The following INPP4B variants were observed in gnomAD, a reference collection of about 807,000 sequenced individuals.
The protein encoded by INPP4B is inositol polyphosphate-4-phosphatase type II B.
INPP4B carries 55 observed loss-of-function variants against 122.5 expected under a neutral mutation model. That is an observed-to-expected ratio of 0.45 (90% CI 0.36 to 0.56). The LOEUF (loss-of-function observed/expected upper bound fraction) is 0.56. Among genes scored for constraint, INPP4B ranks in the 20% least tolerant of loss-of-function variants. The pLI, the probability that INPP4B is intolerant of heterozygous loss-of-function variation, is 0.00. For synonymous variants in INPP4B, 403 were observed against 388.7 expected, an observed-to-expected ratio of 1.04 and a Z score of -0.43; for missense variants, 1,000 against 1,097.7, an observed-to-expected ratio of 0.91 and a Z score of 1.26.
At chr4:142,277,552 C>T (rs113622420) in intron 9 of INPP4B, among the ~76,000 whole-genome samples, 2,288 of 151,838 alleles carry the variant, frequency 0.015, 16 homozygotes, top group Non-Finnish European at 0.026. Flanking sequence ...AGGAAAATAA[C>T]TCACTATAAG....
At chr4:142,483,182 CTTTTTTTTTTTTTTTT>C (rs5862604) in intron 2 of INPP4B, among the ~76,000 whole-genome samples, 5 of 48,334 alleles carry the variant, frequency 1.0e-4, no homozygotes, top group South Asian at 9.8e-4. Context: ...TCAGGCTATG[CTTTTTTTTTTTTTTTT>C]TTTTTTTTTT....
intron 25 of INPP4B, among the ~76,000 whole-genome samples, chr4:142,035,578 G>A (rs1743352663): frequency 1.3e-5 from 2 of 152,240 alleles, no homozygotes; most frequent in South Asian, 4.1e-4. Flanking sequence ...AGGAGCAGAG[G>A]GCCAGGACAT....
intron 2 of INPP4B, among the ~76,000 whole-genome samples, chr4:142,646,501 G>GA (rs1367626910): frequency 6.6e-6 from 1 of 152,160 alleles, no homozygotes; most frequent in East Asian, 1.9e-4. Context: ...AAAACTCTGT[G>GA]AAAAAATGTT....
intron 7 of INPP4B, among the ~76,000 whole-genome samples, 162 bp downstream of exon 7, chr4:142,402,776 C>T (rs141572367): frequency 6.6e-5 from 10 of 152,126 alleles, no homozygotes; most frequent in East Asian, 1.9e-4. Context: ...AATTTGGCAA[C>T]GAGACAAACA....
chr4:142,266,523 T>C (rs1326972910), intron 10 of INPP4B, among the ~76,000 whole-genome samples: 2 of 152,190 alleles, frequency 1.3e-5, no homozygotes, highest in Non-Finnish European at 2.9e-5. Context: ...CCATCTTCCA[T>C]GCAGCAGTTT....
chr4:142,685,251 T>C (rs916199699), intron 2 of INPP4B, among the ~76,000 whole-genome samples: 10 of 152,096 alleles, frequency 6.6e-5, no homozygotes, highest in Non-Finnish European at 1.3e-4. Context: ...AAATATATAG[T>C]ATTTTACAAG....
At chr4:142,590,597 T>G (rs886196730) in intron 2 of INPP4B, among the ~76,000 whole-genome samples, 2 of 152,100 alleles carry the variant, frequency 1.3e-5, no homozygotes, top group Non-Finnish European at 2.9e-5. Context: ...AGATTACAGA[T>G]TAGCAACAGG....
At chr4:142,747,832 G>T (rs1200703410) in intron 1 of INPP4B, among the ~76,000 whole-genome samples, 2 of 151,928 alleles carry the variant, frequency 1.3e-5, no homozygotes, top group Non-Finnish European at 2.9e-5. Context: ...AGAACACAGG[G>T]ATGCAGGAAG....
intron 25 of INPP4B, among the ~76,000 whole-genome samples, chr4:142,066,731 C>T (rs1763712942): frequency 6.6e-6 from 1 of 152,180 alleles, no homozygotes; most frequent in Admixed American, 6.5e-5. Context: ...ATTGTTAGCA[C>T]AGCAGTCTGA....
chr4:142,335,429 T>G (rs1270233432), intron 7 of INPP4B, among the ~76,000 whole-genome samples: 1 of 152,210 alleles, frequency 6.6e-6, no homozygotes, highest in African/African-American at 2.4e-5. Flanking sequence ...CTTTTAGAAT[T>G]TAGCCATTAA....
chr4:142,587,922 T>TG (rs1339633478), intron 2 of INPP4B, among the ~76,000 whole-genome samples: 4 of 151,862 alleles, frequency 2.6e-5, no homozygotes, highest in African/African-American at 9.7e-5. Context: ...TAAATATAAA[T>TG]GCAAAAATGC....
intron 2 of INPP4B, among the ~76,000 whole-genome samples, chr4:142,645,919 A>G (rs1276389778): frequency 6.6e-6 from 1 of 152,158 alleles, no homozygotes; most frequent in East Asian, 1.9e-4. Context: ...AAACTAACAC[A>G]TTTTCATAGG....
chr4:142,707,722 T>A (rs1471336476), intron 2 of INPP4B, among the ~76,000 whole-genome samples: 1 of 152,198 alleles, frequency 6.6e-6, no homozygotes, highest in Middle Eastern at 3.2e-3. Flanking sequence ...CTTTATAAAT[T>A]ACCCAGTCTC....
intron 2 of INPP4B, among the ~76,000 whole-genome samples, chr4:142,695,948 G>C (rs149181077): frequency 1.3e-4 from 20 of 152,206 alleles, no homozygotes; most frequent in Admixed American, 6.5e-4. Context: ...AGGGAAAGGC[G>C]GGCCAGGATA....
chr4:142,737,074 C>T (rs1767036914), intron 1 of INPP4B, among the ~76,000 whole-genome samples: 1 of 152,180 alleles, frequency 6.6e-6, no homozygotes, highest in Admixed American at 6.5e-5. Flanking sequence ...CCCCATCAAG[C>T]TACAAATGAC....
At chr4:142,760,121 G>A (rs1048737956) in intron 1 of INPP4B, among the ~76,000 whole-genome samples, 2 of 152,072 alleles carry the variant, frequency 1.3e-5, no homozygotes, top group Non-Finnish European at 2.9e-5. Context: ...TGTCAGTGCA[G>A]TCACTAAATA....
intron 2 of INPP4B, among the ~76,000 whole-genome samples, chr4:142,531,970 A>C (rs1411569627): frequency 6.6e-6 from 1 of 152,190 alleles, no homozygotes; most frequent in Admixed American, 6.6e-5. Context: ...AATTATTATT[A>C]AGACATATTG....
At chr4:142,633,144 A>T (rs1172252744) in intron 2 of INPP4B, among the ~76,000 whole-genome samples, 3 of 152,020 alleles carry the variant, frequency 2.0e-5, no homozygotes, top group Non-Finnish European at 4.4e-5. Flanking sequence ...AAAAATTGCT[A>T]ACGACAAAAA....
chr4:142,116,297 C>G (rs1285658263), intron 21 of INPP4B, among the ~76,000 whole-genome samples: 9 of 152,148 alleles, frequency 5.9e-5, no homozygotes, highest in Non-Finnish European at 1.3e-4. Context: ...GAACTCAGCT[C>G]TGCACCAAGC....
Sources: gnomAD v4.1 joint callset for allele counts (sites outside exome capture counted in the v4.1 genomes callset) on GRCh38, gnomAD v4.1.1 for gene constraint, MANE v1.5 for transcripts, NCBI Gene and HGNC (gene_info 2026-07-23, HGNC 2026-07-21) for gene names.